The following CAST variants were observed in gnomAD, a reference collection of about 807,000 sequenced individuals.
The protein encoded by CAST is MIR583 host.
In CAST, 76 loss-of-function variants were observed where a neutral mutation model predicts 119.6. That is an observed-to-expected ratio of 0.64 (90% CI 0.53 to 0.77). The LOEUF (loss-of-function observed/expected upper bound fraction) is 0.77, where lower values mean the gene tolerates loss of function less well. CAST is among the 30% of genes least tolerant of loss of function. CAST has a pLI of 0.00. For synonymous variants in CAST, 319 were observed against 331.6 expected, an observed-to-expected ratio of 0.96 and a Z score of 0.41; for missense variants, 953 against 946.5, an observed-to-expected ratio of 1.01 and a Z score of -0.09.
chr5:96,748,563 G>T lies in CAST; in HGVS notation c.1378G>T (p.Asp460Tyr). 1 of 1,589,198 alleles carries T rather than the reference G, an allele frequency of 6.3e-7. No homozygotes were observed. Among genetic ancestry groups the T allele is most frequent in the South Asian group, 1.1e-5 (1 of 90,362 alleles). The change falls in exon 19 of 32, where the codon GAC becomes TAC. Residue 460 changes from aspartate (D) to tyrosine (Y), a missense_variant. Transcript: ENST00000675179. Reference protein sequence around the residue: ...ELIDELSEDFDRSECKEKPSK... With the variant: ...ELIDELSEDFYRSECKEKPSK... ...CATTGATGAACTTTCAGAAGATTTT[G>T]ACCGGTCTGAATGTAAAGAGAAACC...
the CAST span, among the ~76,000 whole-genome samples, chr5:96,052,098 T>A: frequency 6.6e-6 from 1 of 152,212 alleles, no homozygotes; most frequent in East Asian, 1.9e-4. Context: ...TTTGAGTTAG[T>A]ACGTTCATGG....
chr5:96,651,184 T>C (rs1748090369), intron 1 of CAST, among the ~76,000 whole-genome samples: 1 of 152,178 alleles, frequency 6.6e-6, no homozygotes, highest in Non-Finnish European at 1.5e-5. Context: ...AAAAATCTAC[T>C]GTGCCCTGGG....
chr5:96,528,392 C>A (rs76472647), upstream of CAST, among the ~76,000 whole-genome samples: 63 of 152,312 alleles, frequency 4.1e-4, no homozygotes, highest in African/African-American at 1.4e-3. Context: ...CCTCTCCAGG[C>A]AACCATTGGC....
intron 1 of CAST, among the ~76,000 whole-genome samples, chr5:96,619,647 C>T (rs1460926576): frequency 1.3e-5 from 2 of 152,214 alleles, no homozygotes; most frequent in Admixed American, 6.5e-5. Context: ...AGCTTCACTC[C>T]TGAAGCCAGC....
chr5:96,392,986 G>T, the CAST span: 16 of 1,613,484 alleles, frequency 9.9e-6, no homozygotes, highest in Non-Finnish European at 1.3e-5. Flanking sequence ...TCCAACTTGG[G>T]ACCACACACT....
chr5:96,620,344 A>G (rs1241924556), intron 1 of CAST, among the ~76,000 whole-genome samples: 2 of 145,834 alleles, frequency 1.4e-5, no homozygotes, highest in African/African-American at 5.1e-5. Context: ...TTGTGATGGT[A>G]TAAAAGTGAT....
the CAST span, among the ~76,000 whole-genome samples, chr5:95,992,108 A>G: frequency 6.6e-5 from 10 of 152,200 alleles, no homozygotes; most frequent in South Asian, 2.1e-3. Flanking sequence ...GCAGCTACTT[A>G]AAGGTTCAGA....
At chr5:96,561,786 G>GGTTTTTTTTTTTTTTTT (rs1189100090) in intron 1 of CAST, among the ~76,000 whole-genome samples, 17 of 105,428 alleles carry the variant, frequency 1.6e-4, no homozygotes, top group African/African-American at 4.9e-4. Context: ...TTATATATAT[G>GGTTTTTTTTTTTTTTTT]TTTTTTTTTG....
At chr5:96,741,623 T>C in intron 15 of CAST, 43 bp downstream of exon 15, 1 of 1,320,694 alleles carries the variant, frequency 7.6e-7, no homozygotes, top group African/African-American at 1.5e-5. Context: ...TTCCAGAGCC[T>C]GATCTAGCTC....
At chr5:96,524,767 T>C (rs1335110900), upstream of CAST, among the ~76,000 whole-genome samples, 2 of 152,186 alleles carry the variant, frequency 1.3e-5, no homozygotes, top group African/African-American at 4.8e-5. Context: ...CAAAGATGTA[T>C]TTCCCACCAC....
At chr5:96,212,206 A>T in the CAST span, among the ~76,000 whole-genome samples, 1 of 151,584 alleles carries the variant, frequency 6.6e-6, no homozygotes, top group South Asian at 2.1e-4. Flanking sequence ...TAGGTTCTTG[A>T]GGTAGGAGTT....
chr5:96,770,759 T>G (rs753500592), intron 30 of CAST, among the ~76,000 whole-genome samples, 157 bp downstream of exon 30: 1 of 152,192 alleles, frequency 6.6e-6, no homozygotes, highest in African/African-American at 2.4e-5. Flanking sequence ...GTAATTGAAT[T>G]TGTATAAATA....
chr5:96,383,821 G>C, the CAST span, among the ~76,000 whole-genome samples: 1 of 152,198 alleles, frequency 6.6e-6, no homozygotes, highest in Non-Finnish European at 1.5e-5. Context: ...CAGTATGAAT[G>C]GAGACCAGGG....
At chr5:96,075,060 A>C in the CAST span, among the ~76,000 whole-genome samples, 2 of 152,228 alleles carry the variant, frequency 1.3e-5, no homozygotes, top group Non-Finnish European at 2.9e-5. Context: ...ATGGGCATCT[A>C]AATTTTTCCT....
At chr5:96,661,302 G>A (rs1243737882), upstream of CAST, among the ~76,000 whole-genome samples, 1 of 142,578 alleles carries the variant, frequency 7.0e-6, no homozygotes, top group African/African-American at 2.6e-5. Flanking sequence ...CAACGCGCCT[G>A]TAGTCCCAAG....
intron 29 of CAST, 192 bp from the exon 30 acceptor site, chr5:96,770,339 C>G (rs1771809281): frequency 1.8e-6 from 1 of 544,042 alleles, no homozygotes; most frequent in South Asian, 2.2e-5. Context: ...TATTTCTATC[C>G]TTTTTCCCTC....
chr5:96,131,600 A>C, the CAST span, among the ~76,000 whole-genome samples: 9 of 152,132 alleles, frequency 5.9e-5, no homozygotes, highest in Non-Finnish European at 1.0e-4. Context: ...AAATGAGAAG[A>C]TATTCTCCTT....
chr5:96,293,777 A>T, the CAST span, among the ~76,000 whole-genome samples: 58 of 152,138 alleles, frequency 3.8e-4, no homozygotes, highest in African/African-American at 1.3e-3. Flanking sequence ...TATTATTTTG[A>T]GACACAGTCT....
chr5:96,364,655 G>A, the CAST span, among the ~76,000 whole-genome samples: 1 of 152,080 alleles, frequency 6.6e-6, no homozygotes. Flanking sequence ...TATTTCTGTG[G>A]GATTGGTGGT....
Sources: allele counts gnomAD v4.1 joint callset (sites outside exome capture counted in the v4.1 genomes callset), GRCh38; gene constraint gnomAD v4.1.1; transcripts MANE v1.5; gene names NCBI Gene and HGNC (gene_info 2026-07-23, HGNC 2026-07-21).